Variants in NAALADL2 observed in about 807,000 individuals in gnomAD.
The protein encoded by NAALADL2 is N-acetylated alpha-linked acidic dipeptidase like 2.
In NAALADL2, 76 loss-of-function variants were observed where a neutral mutation model predicts 87.2. The ratio of observed to expected loss-of-function variants is 0.87; its 90% confidence interval spans 0.72 to 1.05. The LOEUF is 1.05. Among genes scored for constraint, NAALADL2 ranks in the 50% least tolerant of loss-of-function variants. The probability of loss-of-function intolerance (pLI) is 0.00; values close to 1 mark genes in which losing one functional copy is unlikely to be tolerated. For synonymous variants in NAALADL2, 354 were observed against 331.0 expected (o/e 1.07, Z -0.75); for missense variants, 1,089 against 945.8 (o/e 1.15, Z -1.99).
intron 9 of NAALADL2, among the ~76,000 whole-genome samples, chr3:175,500,129 A>G (rs1283483077): frequency 6.6e-6 from 1 of 152,108 alleles, no homozygotes; most frequent in Admixed American, 6.6e-5. Context: ...TACTACAAAG[A>G]GAATTATTCT....
intron 4 of NAALADL2, among the ~76,000 whole-genome samples, chr3:175,283,092 C>G (rs1026354590): frequency 3.9e-5 from 6 of 151,924 alleles, no homozygotes; most frequent in Admixed American, 6.6e-5. Context: ...TGATAATTAT[C>G]TAAGGGAAAT....
chr3:175,745,408 A>G (rs761544527), intron 12 of NAALADL2, among the ~76,000 whole-genome samples: 4 of 152,180 alleles, frequency 2.6e-5, no homozygotes, highest in Non-Finnish European at 4.4e-5. Flanking sequence ...GTATCCATGG[A>G]GAATTGGTTC....
rs367856448 is a variant in NAALADL2 at position 175,365,336 on chromosome 3, C to T, written c.1090+41011C>T. Among the ~76,000 whole-genome samples the T allele has an allele frequency of 2.7e-5, 4 of 146,804 alleles. 1 individual carries two copies. The East Asian group carries it at 8.0e-4, about 29-fold the overall frequency. ...GATATTCTTACATATTACATTATTT[C>T]ATTATTTTGGTGAATTTTTGCAAAA... On this transcript the variant is annotated intron_variant, in intron 5 of 13. Transcript: ENST00000454872.
Position 174,529,926 on chromosome 3 carries a change from C to G in NAALADL2, c.-183-20643C>G, listed in dbSNP as rs562483695. 1.6e-4 allele frequency among the ~76,000 whole-genome samples: 24 copies of G among 152,282 alleles called. 1 individual carries two copies. Among genetic ancestry groups the G allele is most frequent in the Middle Eastern group, 3.4e-3 (1 of 292 alleles). On this transcript the variant is annotated intron_variant, in intron 1 of 3. Coordinates refer to the NAALADL2 transcript ENST00000434257. ...TGATGGGAAGGTCTGCTGCAAAGGT[C>G]TCTGACCTGCCTTGGAGACATTTTC...
chr3:174,772,488 T>C (rs1007122328), intron 3 of NAALADL2, among the ~76,000 whole-genome samples: 5 of 152,174 alleles, frequency 3.3e-5, no homozygotes, highest in African/African-American at 4.8e-5. Flanking sequence ...AAAAGTGTAG[T>C]GCTCTTAATC....
At chr3:175,608,060 A>G (rs145752698) in intron 10 of NAALADL2, among the ~76,000 whole-genome samples, 3 of 151,734 alleles carry the variant, frequency 2.0e-5, no homozygotes, top group Non-Finnish European at 4.4e-5. Context: ...TTAGAATCCT[A>G]TCATTTGATT....
At chr3:174,776,721 T>G (rs2109128889) in intron 3 of NAALADL2, among the ~76,000 whole-genome samples, 1 of 152,264 alleles carries the variant, frequency 6.6e-6, no homozygotes, top group African/African-American at 2.4e-5. Flanking sequence ...TTCACTTATT[T>G]TCATGAAGAA....
At chr3:175,396,307 T>C (rs1047359139) in intron 5 of NAALADL2, among the ~76,000 whole-genome samples, 1 of 149,024 alleles carries the variant, frequency 6.7e-6, no homozygotes, top group Non-Finnish European at 1.5e-5. Context: ...CATCTTTCAG[T>C]ACTGATTTTA....
At chr3:174,934,416 G>A (rs923062520) in intron 1 of NAALADL2, among the ~76,000 whole-genome samples, 2 of 152,134 alleles carry the variant, frequency 1.3e-5, no homozygotes, top group Non-Finnish European at 2.9e-5. Flanking sequence ...CCATTTCACA[G>A]CTGTTTTCAG....
intron 10 of NAALADL2, among the ~76,000 whole-genome samples, chr3:175,587,580 A>G (rs1720714659): frequency 1.3e-5 from 2 of 152,108 alleles, no homozygotes; most frequent in Admixed American, 6.5e-5. Flanking sequence ...ATAAAATTTT[A>G]TCTTCCTTCC....
At chr3:175,147,083 AT>A (rs1191028295) in intron 2 of NAALADL2, among the ~76,000 whole-genome samples, 1 of 152,164 alleles carries the variant, frequency 6.6e-6, no homozygotes, top group Non-Finnish European at 1.5e-5. Context: ...AGCAAACATG[AT>A]TTTTAAAAAA....
intron 1 of NAALADL2, among the ~76,000 whole-genome samples, chr3:175,014,528 A>G (rs890371898): frequency 2.6e-5 from 4 of 152,182 alleles, no homozygotes; most frequent in Admixed American, 2.0e-4. Flanking sequence ...GTCATAAAAT[A>G]TAGGTTGAAC....
rs533096536 is a variant in NAALADL2 at position 174,469,309 on chromosome 3, G to C, written c.-184+28277G>C. ...GTCTCGCTCTGTCGCCCAGGCTGTA[G>C]TGCAGTGGTGTGATCTCGGCTCACT... is the stretch of plus-strand genomic sequence containing the variant. On this transcript the variant is annotated intron_variant, in intron 1 of 3. Transcript: ENST00000434257. Among the ~76,000 whole-genome samples the C allele has an allele frequency of 5.3e-5, 8 of 151,936 alleles. No homozygotes were observed. The South Asian group carries it at 1.7e-3, about 32-fold the overall frequency.
intron 2 of NAALADL2, among the ~76,000 whole-genome samples, chr3:175,144,025 G>A (rs1030784790): frequency 6.6e-6 from 1 of 151,806 alleles, no homozygotes; most frequent in African/African-American, 2.4e-5. Flanking sequence ...GAGTAAAATC[G>A]TGAATGAGGA....
chr3:175,437,289 A>T (rs1374444860), intron 5 of NAALADL2, among the ~76,000 whole-genome samples: 2 of 145,712 alleles, frequency 1.4e-5, no homozygotes, highest in Admixed American at 1.4e-4. Flanking sequence ...AATCACAAGC[A>T]TTCTTATACA....
At chr3:175,197,780 G>T (rs1302439551) in intron 2 of NAALADL2, among the ~76,000 whole-genome samples, 1 of 151,998 alleles carries the variant, frequency 6.6e-6, no homozygotes, top group Non-Finnish European at 1.5e-5. Flanking sequence ...CATGGGAGGT[G>T]TCAGGAAGCT....
At chr3:175,752,435 A>G (rs916419779) in intron 12 of NAALADL2, among the ~76,000 whole-genome samples, 1 of 152,150 alleles carries the variant, frequency 6.6e-6, no homozygotes, top group African/African-American at 2.4e-5. Flanking sequence ...TGGGGTCACA[A>G]AAGCTGAAGT....
intron 1 of NAALADL2, among the ~76,000 whole-genome samples, chr3:175,020,327 G>T (rs1560484252): frequency 6.6e-6 from 1 of 152,158 alleles, no homozygotes. Flanking sequence ...ATTTTCTTAA[G>T]ATGAAAAGAA....
chr3:175,716,569 C>T (rs1245664587), intron 11 of NAALADL2, among the ~76,000 whole-genome samples: 1 of 152,034 alleles, frequency 6.6e-6, no homozygotes, highest in South Asian at 2.1e-4. Context: ...GGAGGCAGAG[C>T]ACTTCCATTA....
Sources: gnomAD v4.1 joint callset for allele counts (sites outside exome capture counted in the v4.1 genomes callset) on GRCh38, gnomAD v4.1.1 for gene constraint, MANE v1.5 for transcripts, NCBI Gene and HGNC (gene_info 2026-07-23, HGNC 2026-07-21) for gene names.